Variants in CTNNA2 observed in about 807,000 individuals in gnomAD.
CTNNA2 encodes the protein catenin alpha 2.
CTNNA2 carries 42 observed loss-of-function variants against 101.0 expected under a neutral mutation model. The observed-to-expected ratio is 0.42, with a 90% CI of 0.32 to 0.54. The LOEUF (loss-of-function observed/expected upper bound fraction) is 0.54. Among genes scored for constraint, CTNNA2 ranks in the 20% least tolerant of loss-of-function variants. CTNNA2 has a pLI of 0.14. For synonymous variants in CTNNA2, 450 were observed against 456.4 expected (o/e 0.99, Z 0.18); for missense variants, 871 against 1,223.1 (o/e 0.71, Z 4.29).
chr2:79,848,410 A>G (rs1302505270), intron 3 of CTNNA2, among the ~76,000 whole-genome samples: 2 of 152,162 alleles, frequency 1.3e-5, no homozygotes, highest in African/African-American at 2.4e-5. Context: ...CAAAACAATA[A>G]TCACCTTTTT....
intron 2 of CTNNA2, among the ~76,000 whole-genome samples, chr2:79,308,840 C>A (rs1484470295): frequency 6.7e-6 from 1 of 148,342 alleles, no homozygotes; most frequent in Admixed American, 6.7e-5. Context: ...TTCTCTATTG[C>A]ATATTTTCTT....
chr2:80,438,434 G>C (rs1682244917), intron 9 of CTNNA2, among the ~76,000 whole-genome samples: 1 of 149,424 alleles, frequency 6.7e-6, no homozygotes, highest in Non-Finnish European at 1.5e-5. Flanking sequence ...TTTTTGTTTT[G>C]TTTTGTTTTG....
intron 2 of CTNNA2, among the ~76,000 whole-genome samples, chr2:79,293,439 C>T (rs1477119584): frequency 6.6e-6 from 1 of 152,078 alleles, no homozygotes; most frequent in African/African-American, 2.4e-5. Flanking sequence ...GAAAATCATA[C>T]TACAGTCCCT....
intron 3 of CTNNA2, among the ~76,000 whole-genome samples, chr2:79,789,530 T>C (rs1675111206): frequency 1.3e-5 from 2 of 152,070 alleles, no homozygotes; most frequent in Admixed American, 6.6e-5. Flanking sequence ...CGAGTTTTTA[T>C]TGCAGAGGGA....
chr2:80,171,227 G>T (rs1422569337), intron 7 of CTNNA2, among the ~76,000 whole-genome samples: 1 of 152,194 alleles, frequency 6.6e-6, no homozygotes, highest in Non-Finnish European at 1.5e-5. Context: ...GCACGATCGT[G>T]CTTGATGGAA....
intron 4 of CTNNA2, among the ~76,000 whole-genome samples, chr2:79,865,354 G>T (rs1169782695): frequency 6.6e-6 from 1 of 152,092 alleles, no homozygotes; most frequent in East Asian, 1.9e-4. Context: ...TCATGCATTT[G>T]GCCAACTCCT....
At chr2:79,318,056 A>G (rs1234258850) in intron 3 of CTNNA2, among the ~76,000 whole-genome samples, 2 of 152,092 alleles carry the variant, frequency 1.3e-5, no homozygotes, top group African/African-American at 4.8e-5. Context: ...TGTTAGGTTG[A>G]AGTTATTTGT....
intron 7 of CTNNA2, among the ~76,000 whole-genome samples, chr2:80,110,328 G>T (rs1047458460): frequency 6.6e-5 from 10 of 152,166 alleles, no homozygotes; most frequent in African/African-American, 2.4e-4. Flanking sequence ...TATAAAGTTT[G>T]AGAATTGTCT....
At chr2:80,166,257 C>T (rs1259917980) in intron 7 of CTNNA2, among the ~76,000 whole-genome samples, 1 of 152,064 alleles carries the variant, frequency 6.6e-6, no homozygotes. Flanking sequence ...GGCATATTGT[C>T]AAGGAAAGAG....
rs1692713582 is a variant in CTNNA2 at position 80,553,059 on chromosome 2, A to C, written c.1541-2634A>C. 3.3e-5 allele frequency among the ~76,000 whole-genome samples: 4 copies of C among 122,226 alleles called. No homozygotes were observed. In the South Asian group the frequency reaches 1.3e-3, roughly 39 times the overall value. 80.2% of individuals were successfully genotyped at this position (122,226 alleles called of 152,430 possible). A position where few individuals can be genotyped will look rare whatever the true frequency, so the allele number is the denominator to read the frequency against. On this transcript the variant is annotated intron_variant, in intron 11 of 18. Transcript: ENST00000402739. ...TGGTGAAACCCTGTCTTTACTAAAA[A>C]GACAAAAAAAAAAAAAAATCCAGGT... is the stretch of plus-strand genomic sequence containing the variant.
intron 9 of CTNNA2, among the ~76,000 whole-genome samples, chr2:80,449,287 TTAAATAAATAAA>T (rs72400269): frequency 0.41 from 61,701 of 149,768 alleles, 14,020 homozygotes; most frequent in East Asian, 0.72. Flanking sequence ...GTCTCTAAAA[TTAAATAAATAAA>T]TAAATAAATA....
At chr2:79,186,057 T>TTA (rs1456695446) in intron 1 of CTNNA2, among the ~76,000 whole-genome samples, 1 of 152,186 alleles carries the variant, frequency 6.6e-6, no homozygotes, top group East Asian at 1.9e-4. Flanking sequence ...TTATTTCAGA[T>TTA]TACCATACTT....
chr2:79,306,142 T>C (rs1676239088), intron 2 of CTNNA2, among the ~76,000 whole-genome samples: 1 of 151,504 alleles, frequency 6.6e-6, no homozygotes, highest in African/African-American at 2.4e-5. Context: ...CACAGGAAGA[T>C]AATCACCTTT....
intron 7 of CTNNA2, among the ~76,000 whole-genome samples, chr2:80,107,967 G>A (rs1261971342): frequency 6.6e-6 from 1 of 152,166 alleles, no homozygotes; most frequent in East Asian, 1.9e-4. Context: ...GTCTGATGAA[G>A]GGGTCGAGAA....
chr2:79,600,266 C>T (rs1359278180), intron 1 of CTNNA2, among the ~76,000 whole-genome samples: 1 of 152,126 alleles, frequency 6.6e-6, no homozygotes, highest in East Asian at 1.9e-4. Flanking sequence ...ACCTCCACCT[C>T]CTGGGTTCAA....
chr2:79,774,039 GA>G (rs1673786177), intron 3 of CTNNA2, among the ~76,000 whole-genome samples: 1 of 152,088 alleles, frequency 6.6e-6, no homozygotes, highest in African/African-American at 2.4e-5. Flanking sequence ...CTCTCATCAA[GA>G]AATCAAATAT....
intron 9 of CTNNA2, among the ~76,000 whole-genome samples, chr2:80,472,834 G>T (rs1259128397): frequency 6.6e-5 from 10 of 152,116 alleles, no homozygotes; most frequent in African/African-American, 2.4e-4. Context: ...AACAGGGAGG[G>T]TATCACTGGT....
At chr2:79,793,517 A>G (rs1443186081) in intron 3 of CTNNA2, among the ~76,000 whole-genome samples, 1 of 152,130 alleles carries the variant, frequency 6.6e-6, no homozygotes, top group Non-Finnish European at 1.5e-5. Flanking sequence ...CTTAAGGGAG[A>G]TGTTATTTTT....
chr2:80,131,404 A>G (rs1323324891), intron 7 of CTNNA2, among the ~76,000 whole-genome samples: 1 of 152,218 alleles, frequency 6.6e-6, no homozygotes, highest in Admixed American at 6.5e-5. Context: ...AAACATACAC[A>G]GAAACTCACT....
Sources: gnomAD v4.1 joint callset for allele counts (sites outside exome capture counted in the v4.1 genomes callset) on GRCh38, gnomAD v4.1.1 for gene constraint, MANE v1.5 for transcripts, NCBI Gene and HGNC (gene_info 2026-07-23, HGNC 2026-07-21) for gene names.